Variants in DCC observed in about 807,000 individuals in gnomAD.
The protein encoded by DCC is netrin receptor DCC.
Under a neutral mutation model 172.5 loss-of-function variants are expected in DCC, and 58 were observed. The observed-to-expected ratio is 0.34, with a 90% CI of 0.27 to 0.42. The LOEUF (loss-of-function observed/expected upper bound fraction) is 0.42. Among genes scored for constraint, DCC ranks in the 10% least tolerant of loss-of-function variants. DCC has a pLI of 1.00. For missense variants in DCC, 1,740 were observed against 1,791.0 expected (o/e 0.97, Z 0.51); for synonymous variants, 709 against 644.5 (o/e 1.10, Z -1.52).
chr18:53,000,506 C>G (rs978571119), intron 5 of DCC, among the ~76,000 whole-genome samples: 1 of 151,604 alleles, frequency 6.6e-6, no homozygotes, highest in Non-Finnish European at 1.5e-5. Context: ...TTCGGTCTCT[C>G]CAAAGAGAGT....
intron 20 of DCC, among the ~76,000 whole-genome samples, chr18:53,415,813 GT>G (rs34628885): frequency 0.43 from 65,527 of 151,434 alleles, 15,972 homozygotes; most frequent in Non-Finnish European, 0.56. Flanking sequence ...ATTGCATGCA[GT>G]TTTTTTTTAC....
chr18:53,115,690 T>C (rs184575459), intron 7 of DCC, among the ~76,000 whole-genome samples: 177 of 151,792 alleles, frequency 1.2e-3, no homozygotes, highest in African/African-American at 4.2e-3. Context: ...AGAGATATTC[T>C]TTTATGATAA....
intron 1 of DCC, among the ~76,000 whole-genome samples, chr18:52,596,922 C>T (rs2033920386): frequency 6.6e-6 from 1 of 152,182 alleles, no homozygotes; most frequent in Admixed American, 6.5e-5. Context: ...CTGAGCTTCG[C>T]TTTCCTTGCT....
intron 2 of DCC, among the ~76,000 whole-genome samples, chr18:52,844,308 A>G (rs1160409491): frequency 8.9e-6 from 1 of 112,262 alleles, no homozygotes; most frequent in Admixed American, 1.1e-4. Context: ...AGATAGGTAG[A>G]TACATAGATA....
At chr18:53,404,001 C>CTCA (rs1909486323) in intron 19 of DCC, among the ~76,000 whole-genome samples, 2 of 152,076 alleles carry the variant, frequency 1.3e-5, no homozygotes, top group African/African-American at 4.8e-5. Context: ...CAAAATTTCC[C>CTCA]CAAGATCTTA....
intron 12 of DCC, among the ~76,000 whole-genome samples, chr18:53,219,853 A>C (rs1394684392): frequency 6.6e-6 from 1 of 152,186 alleles, no homozygotes; most frequent in African/African-American, 2.4e-5. Context: ...CTACTCTGCA[A>C]AGCAAACTGA....
intron 1 of DCC, among the ~76,000 whole-genome samples, chr18:52,543,199 A>G (rs3862686): frequency 0.12 from 18,031 of 152,272 alleles, 1,346 homozygotes; most frequent in South Asian, 0.22. Context: ...TAAAATTTCT[A>G]ATAACCATAT....
At chr18:53,286,432 C>T (rs942347589) in intron 12 of DCC, among the ~76,000 whole-genome samples, 1 of 152,126 alleles carries the variant, frequency 6.6e-6, no homozygotes, top group Admixed American at 6.6e-5. Context: ...AGATATGTGC[C>T]TTTCACCTTC....
chr18:52,796,839 A>G (rs186492610), intron 2 of DCC, among the ~76,000 whole-genome samples: 1 of 152,150 alleles, frequency 6.6e-6, no homozygotes, highest in Non-Finnish European at 1.5e-5. Flanking sequence ...AGCTTCATCT[A>G]TCTAGATGTC....
At chr18:53,278,971 C>T (rs2056836876) in intron 12 of DCC, among the ~76,000 whole-genome samples, 1 of 152,060 alleles carries the variant, frequency 6.6e-6, no homozygotes, top group African/African-American at 2.4e-5. Context: ...GTTCTAGATC[C>T]CTGAGGAATC....
At chr18:53,226,397 C>T (rs2056027948) in intron 12 of DCC, among the ~76,000 whole-genome samples, 1 of 152,118 alleles carries the variant, frequency 6.6e-6, no homozygotes, top group Admixed American at 6.5e-5. Flanking sequence ...CCTGACTTTT[C>T]GGTTTTTTTC....
intron 1 of DCC, among the ~76,000 whole-genome samples, chr18:52,723,521 G>T (rs184378662): frequency 6.6e-6 from 1 of 152,122 alleles, no homozygotes; most frequent in Admixed American, 6.6e-5. Flanking sequence ...CCGTCCCTCA[G>T]ACCTAATTAC....
chr18:53,528,474 A>T (rs2046484331), intron 28 of DCC, among the ~76,000 whole-genome samples: 1 of 152,144 alleles, frequency 6.6e-6, no homozygotes. Flanking sequence ...GAAGTATCTC[A>T]TCTCATAAAG....
At chr18:53,365,883 G>A (rs2057999978) in intron 15 of DCC, among the ~76,000 whole-genome samples, 2 of 152,148 alleles carry the variant, frequency 1.3e-5, no homozygotes, top group African/African-American at 2.4e-5. Context: ...CAAAGCTCTA[G>A]TCATTACAGA....
At chr18:53,306,943 A>G (rs1390363639) in intron 13 of DCC, among the ~76,000 whole-genome samples, 2 of 152,188 alleles carry the variant, frequency 1.3e-5, no homozygotes, top group East Asian at 3.9e-4. Flanking sequence ...GAGGTAAACT[A>G]CCATTGCAAG....
intron 5 of DCC, among the ~76,000 whole-genome samples, chr18:52,928,266 T>A (rs189424570): frequency 5.5e-4 from 84 of 152,184 alleles, no homozygotes; most frequent in East Asian, 4.3e-3. Context: ...TAGTTTCCAA[T>A]GTGGGACACT....
chr18:52,459,375 G>T (rs547658247), intron 1 of DCC, among the ~76,000 whole-genome samples: 1 of 151,874 alleles, frequency 6.6e-6, no homozygotes, highest in Non-Finnish European at 1.5e-5. Flanking sequence ...AGTAGGTACC[G>T]GTGTCTGTTG....
chr18:52,642,831 T>G (rs556111293), intron 1 of DCC, among the ~76,000 whole-genome samples: 2 of 152,094 alleles, frequency 1.3e-5, no homozygotes, highest in Non-Finnish European at 2.9e-5. Context: ...ACCCAGCTAG[T>G]TTTTCAATAT....
At chr18:52,412,454 G>T (rs1030142187) in intron 1 of DCC, among the ~76,000 whole-genome samples, 1 of 151,898 alleles carries the variant, frequency 6.6e-6, no homozygotes, top group Admixed American at 6.6e-5. Context: ...TGATATACAA[G>T]AAATATCTAA....
Sources: allele counts gnomAD v4.1 joint callset (sites outside exome capture counted in the v4.1 genomes callset), GRCh38; gene constraint gnomAD v4.1.1; transcripts MANE v1.5; gene names NCBI Gene and HGNC (gene_info 2026-07-23, HGNC 2026-07-21).